Variants in TPST1 observed in about 807,000 individuals in gnomAD.
TPST1 encodes the protein tyrosylprotein sulfotransferase 1.
Under a neutral mutation model 34.8 loss-of-function variants are expected in TPST1, and 20 were observed. The ratio of observed to expected loss-of-function variants is 0.57; its 90% confidence interval spans 0.40 to 0.84. TPST1 has a LOEUF of 0.84. Among genes scored for constraint, TPST1 ranks in the 40% least tolerant of loss-of-function variants. The pLI is 0.00. For synonymous variants in TPST1, 152 were observed against 159.4 expected, an observed-to-expected ratio of 0.95 and a Z score of 0.35; for missense variants, 353 against 455.5, an observed-to-expected ratio of 0.78 and a Z score of 2.05.
At position 66,360,179 on chromosome 7, in the gene TPST1, G is replaced by A. The variant is rs962319647; in HGVS notation, c.*314G>A. On this transcript the variant is annotated 3_prime_UTR_variant, in exon 6 of 6. Coordinates refer to ENST00000304842, the MANE Select transcript of TPST1 (RefSeq NM_003596.4). Reference sequence around the variant, plus strand: ...TTGTTCTCTTTTCTTACATTATGACGTTTGTTTTCAAGGAGAGGGTTTAAA... The same window carrying A: ...TTGTTCTCTTTTCTTACATTATGACATTTGTTTTCAAGGAGAGGGTTTAAA... 4 of 315,030 alleles carry A rather than the reference G, an allele frequency of 1.3e-5. No homozygotes were observed. The highest frequency in any genetic ancestry group is 4.3e-5 in the African/African-American group (2 of 46,180). The allele number at this position is 315,030 out of a possible 1,614,324, so 19.5% of individuals were successfully genotyped here. A position where few individuals can be genotyped will look rare whatever the true frequency, so the allele number is the denominator to read the frequency against.
At chr7:66,232,771 T>C (rs938494539) in intron 1 of TPST1, among the ~76,000 whole-genome samples, 2 of 152,244 alleles carry the variant, frequency 1.3e-5, no homozygotes, top group Non-Finnish European at 2.9e-5. Context: ...ACTCTCTGTT[T>C]AGCCTTCTGA....
intron 2 of TPST1, among the ~76,000 whole-genome samples, chr7:66,243,351 A>G (rs958631051): frequency 1.3e-5 from 2 of 152,190 alleles, no homozygotes; most frequent in East Asian, 1.9e-4. Flanking sequence ...AAGCAAAATA[A>G]TATTTGAACC....
intron 3 of TPST1, among the ~76,000 whole-genome samples, chr7:66,300,656 C>A: frequency 6.6e-6 from 1 of 152,084 alleles, no homozygotes; most frequent in East Asian, 1.9e-4. Context: ...AAATAATAAT[C>A]TTGACAGGGC....
At chr7:66,278,207 C>T (rs990199657) in intron 2 of TPST1, among the ~76,000 whole-genome samples, 2 of 147,942 alleles carry the variant, frequency 1.4e-5, no homozygotes. Context: ...GCCAGATTTG[C>T]ATATATTTTG....
chr7:66,272,335 C>T (rs960206463), intron 2 of TPST1, among the ~76,000 whole-genome samples: 8 of 151,962 alleles, frequency 5.3e-5, no homozygotes, highest in African/African-American at 1.2e-4. Flanking sequence ...TTAATAAATG[C>T]GATATACCAC....
At chr7:66,262,421 C>G (rs912100668) in intron 2 of TPST1, among the ~76,000 whole-genome samples, 1 of 152,072 alleles carries the variant, frequency 6.6e-6, no homozygotes, top group Non-Finnish European at 1.5e-5. Context: ...AAATCCATGC[C>G]CTCCTTCCTC....
At chr7:66,339,350 GC>G (rs1792187045) in intron 3 of TPST1, among the ~76,000 whole-genome samples, 1 of 151,992 alleles carries the variant, frequency 6.6e-6, no homozygotes, top group South Asian at 2.1e-4. Flanking sequence ...TGAGATTGAA[GC>G]CATATAAAAA....
chr7:66,199,087 C>G, the TPST1 span, among the ~76,000 whole-genome samples: 4 of 152,116 alleles, frequency 2.6e-5, no homozygotes, highest in African/African-American at 4.8e-5. Context: ...TCTCCCTGGC[C>G]TTTCCTGGCA....
Position 66,360,161 on chromosome 7 carries a change from C to CTT in TPST1, c.*299_*300dup. ...TTCCTGTTAAAACTCCTCTTGTTCT[C>CTT]TTTTCTTACATTATGACGTTTGTTT... On this transcript the variant is annotated 3_prime_UTR_variant, in exon 6 of 6. Transcript: ENST00000304842. The CTT allele has an allele frequency of 3.1e-6, 1 of 321,004 alleles. No individual in the cohort carries two copies. The highest frequency in any genetic ancestry group is 6.2e-6 in the Non-Finnish European group (1 of 160,774). The allele number at this position is 321,004 out of a possible 1,614,324, so 19.9% of individuals were successfully genotyped here.
intron 3 of TPST1, among the ~76,000 whole-genome samples, chr7:66,328,685 T>C (rs1480618948): frequency 2.0e-5 from 3 of 150,912 alleles, no homozygotes; most frequent in Non-Finnish European, 3.0e-5. Flanking sequence ...GTTGGGACTA[T>C]AGGCACATGC....
At chr7:66,279,983 A>G (rs117248562) in intron 2 of TPST1, among the ~76,000 whole-genome samples, 2,388 of 152,304 alleles carry the variant, frequency 0.016, 62 homozygotes, top group East Asian at 0.093. Context: ...GGACTCTCCT[A>G]TGGGGAAAAC....
intron 3 of TPST1, among the ~76,000 whole-genome samples, chr7:66,327,236 T>C (rs1176753250): frequency 6.6e-6 from 1 of 152,182 alleles, no homozygotes; most frequent in Non-Finnish European, 1.5e-5. Context: ...AAACCAATGA[T>C]GAAAGTTTGT....
intron 1 of TPST1, among the ~76,000 whole-genome samples, chr7:66,232,318 T>C (rs1422801769): frequency 6.7e-6 from 1 of 148,384 alleles, no homozygotes; most frequent in East Asian, 2.1e-4. Flanking sequence ...TCCTCCCACC[T>C]CAGCCTCCTG....
intron 2 of TPST1, among the ~76,000 whole-genome samples, chr7:66,243,169 T>G (rs200685536): frequency 9.7e-5 from 13 of 133,668 alleles, no homozygotes; most frequent in Admixed American, 2.2e-4. Context: ...GTGTGTGTGT[T>G]TGTGTGTGTG....
chr7:66,324,476 G>A (rs990367860), intron 3 of TPST1, among the ~76,000 whole-genome samples: 3 of 151,974 alleles, frequency 2.0e-5, no homozygotes, highest in Non-Finnish European at 4.4e-5. Flanking sequence ...GGAAAAAAAA[G>A]ATATCTAGAT....
chr7:66,276,265 T>C (rs946352773), intron 2 of TPST1, among the ~76,000 whole-genome samples: 10 of 150,712 alleles, frequency 6.6e-5, no homozygotes, highest in Admixed American at 5.9e-4. Context: ...GATTCTCTTC[T>C]TCAAAGACTC....
chr7:66,310,704 G>A (rs1791512307), intron 3 of TPST1, among the ~76,000 whole-genome samples: 1 of 152,142 alleles, frequency 6.6e-6, no homozygotes, highest in African/African-American at 2.4e-5. Flanking sequence ...TTTCTGGGCT[G>A]TAGTAGGAAT....
intron 3 of TPST1, among the ~76,000 whole-genome samples, chr7:66,305,402 C>T (rs1646330999): frequency 6.6e-6 from 1 of 152,030 alleles, no homozygotes; most frequent in Non-Finnish European, 1.5e-5. Context: ...GGTGTATGTA[C>T]CAATAAATGG....
chr7:66,232,666 A>G (rs1023451598), intron 1 of TPST1, among the ~76,000 whole-genome samples: 11 of 152,134 alleles, frequency 7.2e-5, no homozygotes, highest in Non-Finnish European at 1.2e-4. Flanking sequence ...CCATGCCTGA[A>G]TAGTTTTTAA....
Sources: allele counts gnomAD v4.1 joint callset (sites outside exome capture counted in the v4.1 genomes callset), GRCh38; gene constraint gnomAD v4.1.1; transcripts MANE v1.5; gene names NCBI Gene and HGNC (gene_info 2026-07-23, HGNC 2026-07-21).